Variants in ZNF568 observed in about 807,000 individuals in gnomAD.
ZNF568 encodes zinc finger protein 568, also known as p53 inhibitor of SCO2 activation.
Under a neutral mutation model 18.1 loss-of-function variants are expected in ZNF568, and 11 were observed. That is an observed-to-expected ratio of 0.61 (90% CI 0.38 to 1.00). ZNF568 has a LOEUF of 1.00. Among genes scored for constraint, ZNF568 ranks in the 50% least tolerant of loss-of-function variants. ZNF568 has a pLI of 0.01. For missense variants in ZNF568, 639 were observed against 768.2 expected, an observed-to-expected ratio of 0.83 and a Z score of 1.99; for synonymous variants, 213 against 246.6, an observed-to-expected ratio of 0.86 and a Z score of 1.28.
chr19:36,995,783 G>A (rs2074465179), intron 4 of ZNF568, among the ~76,000 whole-genome samples: 1 of 151,782 alleles, frequency 6.6e-6, no homozygotes, highest in Non-Finnish European at 1.5e-5. Context: ...ATTAATACTA[G>A]CTTAACTTTA....
At chr19:36,933,679 G>A (rs2073726816) in intron 4 of ZNF568, among the ~76,000 whole-genome samples, 1 of 151,760 alleles carries the variant, frequency 6.6e-6, no homozygotes, top group Admixed American at 6.6e-5. Flanking sequence ...GAGAGAGTGG[G>A]CTCTAGTGTT....
intron 6 of ZNF568, among the ~76,000 whole-genome samples, 165 bp downstream of exon 6, chr19:36,937,407 T>C (rs1163643115): frequency 6.6e-6 from 1 of 152,210 alleles, no homozygotes; most frequent in African/African-American, 2.4e-5. Flanking sequence ...CTAGGTATTA[T>C]TCTTCCTATT....
At chr19:36,977,096 T>G (rs578057642) in intron 7 of ZNF568, among the ~76,000 whole-genome samples, 64 of 152,358 alleles carry the variant, frequency 4.2e-4, no homozygotes, top group African/African-American at 1.4e-3. Flanking sequence ...TTTTGTGTGC[T>G]TTTAGATTCA....
chr19:36,994,394 G>A (rs1319937627), intron 4 of ZNF568, among the ~76,000 whole-genome samples: 1 of 152,136 alleles, frequency 6.6e-6, no homozygotes, highest in East Asian at 1.9e-4. Context: ...TTGTTGAGTG[G>A]AATGTTCTAC....
chr19:36,927,565 T>TTG (rs1304657576), intron 4 of ZNF568, among the ~76,000 whole-genome samples: 3 of 151,774 alleles, frequency 2.0e-5, no homozygotes, highest in African/African-American at 7.2e-5. Flanking sequence ...GTACTGTACT[T>TTG]TGTGTGTGTG....
chr19:36,942,292 C>T (rs2073892603), intron 6 of ZNF568, among the ~76,000 whole-genome samples: 1 of 150,160 alleles, frequency 6.7e-6, no homozygotes, highest in East Asian at 2.1e-4. Context: ...TAGTCATTTT[C>T]AAACATAAGA....
downstream of ZNF568, chr19:36,997,789 T>C (rs1474681970): frequency 1.7e-6 from 1 of 588,840 alleles, no homozygotes; most frequent in South Asian, 2.2e-5. Context: ...AAAAAACTTA[T>C]GATTCTAAGT....
At chr19:36,941,299 A>G (rs2073875726) in intron 6 of ZNF568, among the ~76,000 whole-genome samples, 1 of 152,206 alleles carries the variant, frequency 6.6e-6, no homozygotes, top group South Asian at 2.1e-4. Flanking sequence ...ATGAAAGAAA[A>G]AAGTCAAAAC....
chr19:36,938,423 A>G (rs568062216), intron 6 of ZNF568, among the ~76,000 whole-genome samples: 2 of 152,306 alleles, frequency 1.3e-5, no homozygotes, highest in South Asian at 4.1e-4. Context: ...GCTTTCATAT[A>G]TACTTCAACA....
At chr19:36,932,240 T>G (rs533025802) in intron 4 of ZNF568, among the ~76,000 whole-genome samples, 1 of 152,346 alleles carries the variant, frequency 6.6e-6, no homozygotes, top group East Asian at 1.9e-4. Flanking sequence ...AGTTTGTACA[T>G]AGAAATGAAA....
At chr19:36,931,859 AGAAAC>A (rs2073692080) in intron 4 of ZNF568, among the ~76,000 whole-genome samples, 1 of 152,220 alleles carries the variant, frequency 6.6e-6, no homozygotes, top group Admixed American at 6.5e-5. Flanking sequence ...CACCCTGAAA[AGAAAC>A]CCTTTACCTG....
At chr19:36,965,618 C>T (rs79960475) in intron 6 of ZNF568, among the ~76,000 whole-genome samples, 2,092 of 152,064 alleles carry the variant, frequency 0.014, 22 homozygotes, top group African/African-American at 0.025. Flanking sequence ...AATGCTGCTG[C>T]CAGCATCACA....
At chr19:36,920,370 C>T (rs528560680) in intron 2 of ZNF568, among the ~76,000 whole-genome samples, 184 of 152,184 alleles carry the variant, frequency 1.2e-3, no homozygotes, top group African/African-American at 4.3e-3. Flanking sequence ...CCCCTATAAT[C>T]CCAGCACTTT....
downstream of ZNF568, among the ~76,000 whole-genome samples, chr19:36,981,737 G>C (rs2074333006): frequency 6.6e-6 from 1 of 151,978 alleles, no homozygotes; most frequent in South Asian, 2.1e-4. Context: ...AGCCAGGCAT[G>C]ATGGTGCATG....
chr19:36,941,309 C>T (rs1187602568), intron 6 of ZNF568, among the ~76,000 whole-genome samples: 1 of 152,100 alleles, frequency 6.6e-6, no homozygotes, highest in Non-Finnish European at 1.5e-5. Context: ...AAAGTCAAAA[C>T]ACAATGGAAT....
At chr19:36,975,157 T>TTTTC (rs2074271850) in intron 7 of ZNF568, among the ~76,000 whole-genome samples, 1 of 149,888 alleles carries the variant, frequency 6.7e-6, no homozygotes, top group Non-Finnish European at 1.5e-5. Flanking sequence ...TCTTTCTTTT[T>TTTTC]TTTTTTTTTG....
chr19:36,924,364 G>T (rs868610146), intron 3 of ZNF568, among the ~76,000 whole-genome samples: 1 of 151,510 alleles, frequency 6.6e-6, no homozygotes, highest in Admixed American at 6.6e-5. Flanking sequence ...GACTACAGGC[G>T]CACGCCACTA....
chr19:36,996,208 G>A (rs2074469692), intron 4 of ZNF568: 3 of 920,800 alleles, frequency 3.3e-6, no homozygotes, highest in Non-Finnish European at 4.7e-6. Context: ...TAATTGCAGT[G>A]TAAAGAATTG....
chr19:36,933,898 G>GTTTT (rs200880642), intron 4 of ZNF568, among the ~76,000 whole-genome samples: 9 of 25,758 alleles, frequency 3.5e-4, no homozygotes, highest in African/African-American at 2.0e-3. Context: ...CTTTTGGGTA[G>GTTTT]GTTTTTTTTT....
Sources: allele counts gnomAD v4.1 joint callset (sites outside exome capture counted in the v4.1 genomes callset), GRCh38; gene constraint gnomAD v4.1.1; transcripts MANE v1.5; gene names NCBI Gene and HGNC (gene_info 2026-07-23, HGNC 2026-07-21).